Variants in MEI4 observed in about 807,000 individuals in gnomAD.
MEI4 encodes the protein meiotic double-stranded break formation protein 4, also known as meiosis-specific protein MEI4.
In MEI4, 27 loss-of-function variants were observed where a neutral mutation model predicts 31.4. The ratio of observed to expected loss-of-function variants is 0.86; its 90% CI spans 0.63 to 1.19. The LOEUF is 1.19. Among genes scored for constraint, MEI4 ranks in the 50% most tolerant of loss-of-function variants. The pLI, the probability that MEI4 is intolerant of heterozygous loss-of-function variation, is 0.00. For synonymous variants in MEI4, 122 were observed against 145.4 expected (o/e 0.84, Z 1.16); for missense variants, 329 against 398.9 (o/e 0.82, Z 1.49).
chr6:77,864,879 G>A (rs1770976120), intron 4 of MEI4, among the ~76,000 whole-genome samples: 1 of 152,080 alleles, frequency 6.6e-6, no homozygotes, highest in African/African-American at 2.4e-5. Flanking sequence ...ATAACAAACT[G>A]TCTCTCAGAC....
intron 4 of MEI4, among the ~76,000 whole-genome samples, chr6:77,901,892 GTGAGA>G (rs1306884142): frequency 2.6e-5 from 4 of 152,092 alleles, no homozygotes; most frequent in Admixed American, 2.6e-4. Flanking sequence ...TGTATATGGT[GTGAGA>G]TGAGTGTCTA....
At chr6:77,864,859 A>G (rs1342122285) in intron 4 of MEI4, among the ~76,000 whole-genome samples, 2 of 152,230 alleles carry the variant, frequency 1.3e-5, no homozygotes, top group African/African-American at 4.8e-5. Context: ...AATGTAAAAG[A>G]ATAGAAATTA....
chr6:77,743,667 A>G (rs1767486058), intron 2 of MEI4, among the ~76,000 whole-genome samples: 1 of 152,136 alleles, frequency 6.6e-6, no homozygotes, highest in Admixed American at 6.6e-5. Context: ...CTGCCTCCTC[A>G]AGTGGGTCCC....
chr6:77,913,434 A>C (rs1328521155), intron 4 of MEI4, among the ~76,000 whole-genome samples: 1 of 152,070 alleles, frequency 6.6e-6, no homozygotes, highest in Non-Finnish European at 1.5e-5. Flanking sequence ...TGTTGTTAGA[A>C]GATGTTTTTA....
At chr6:77,880,894 A>AG (rs1424057182) in intron 4 of MEI4, among the ~76,000 whole-genome samples, 1 of 152,156 alleles carries the variant, frequency 6.6e-6, no homozygotes, top group Non-Finnish European at 1.5e-5. Context: ...TCTAAAAAAA[A>AG]AAAATTAGGT....
upstream of MEI4, among the ~76,000 whole-genome samples, chr6:77,650,749 C>A (rs892237325): frequency 6.6e-5 from 10 of 152,336 alleles, no homozygotes; most frequent in East Asian, 1.5e-3. Flanking sequence ...TTTCTGTTTA[C>A]CTAATTGATT....
At position 77,918,308 on chromosome 6, in the gene MEI4, G is replaced by T. The variant is rs1165872840; in HGVS notation, c.901-4781G>T. Among the ~76,000 whole-genome samples the T allele has an allele frequency of 3.1e-3, 461 of 146,954 alleles. 2 individuals carry two copies. The highest frequency in any genetic ancestry group is 5.0e-3 in the Non-Finnish European group (334 of 66,728). On this transcript the variant is annotated intron_variant, in intron 4 of 4. Transcript: ENST00000684080. Reference sequence around the variant, plus strand: ...AGTTTTTTCCAATTCTGTGAAGAAAGTCATTGGTAGCTTGATGGGGATGGC... The same window carrying T: ...AGTTTTTTCCAATTCTGTGAAGAAATTCATTGGTAGCTTGATGGGGATGGC...
Position 77,739,656 on chromosome 6 carries a change from C to G in MEI4, c.233-21474C>G, listed in dbSNP as rs183291691. Among the ~76,000 whole-genome samples the G allele has an allele frequency of 3.6e-3, 551 of 152,044 alleles. 6 individuals carry two copies. The highest frequency in any genetic ancestry group is 6.4e-3 in the Non-Finnish European group (433 of 67,994). On this transcript the variant is annotated intron_variant, in intron 2 of 4. Transcript: ENST00000684080. ...CTAGATGATGGGTTGATAGGTACAG[C>G]AAACCACTATGGCACGTGTATACCT...
rs180979194 is a variant in MEI4 at position 77,816,069 on chromosome 6, T to C, written c.769-12862T>C. Among the ~76,000 whole-genome samples, 401 of 152,224 alleles carry C rather than the reference T, an allele frequency of 2.6e-3. 1 individual carries two copies. The highest frequency in any genetic ancestry group is 8.7e-3 in the African/African-American group (362 of 41,556). ...ATGAAAAGGTATTACATAGTCCCTA[T>C]TTAACATTTAATATTCAGGAAATCT... On this transcript the variant is annotated intron_variant, in intron 3 of 4. Coordinates refer to ENST00000684080, the MANE Select transcript of MEI4 (RefSeq NM_001322247.2).
Position 77,844,003 on chromosome 6 carries a change from TG to T in MEI4, c.900+14943del, listed in dbSNP as rs548220005. ...AGCCTAATTCTATAATCCAGTATGG[TG>T]GTTAAGTATAGGTATTTTTATCCCT... is the stretch of plus-strand genomic sequence containing the variant. On this transcript the variant is annotated intron_variant, in intron 4 of 4. Coordinates refer to ENST00000684080, the MANE Select transcript of MEI4 (RefSeq NM_001322247.2). 2.6e-5 allele frequency among the ~76,000 whole-genome samples: 4 copies of T among 152,142 alleles called. 1 individual carries two copies. In the East Asian group the frequency reaches 7.7e-4, roughly 29 times the overall value.
intron 4 of MEI4, among the ~76,000 whole-genome samples, chr6:77,903,953 A>C (rs1384949207): frequency 6.6e-6 from 1 of 152,108 alleles, no homozygotes; most frequent in African/African-American, 2.4e-5. Flanking sequence ...TTAAAGGTCA[A>C]GTCAGTCACT....
intron 4 of MEI4, among the ~76,000 whole-genome samples, chr6:77,919,057 T>C (rs1766636943): frequency 6.6e-6 from 1 of 151,960 alleles, no homozygotes; most frequent in African/African-American, 2.4e-5. Flanking sequence ...TGGGAGACTT[T>C]AACACCCCAC....
chr6:77,793,053 G>C (rs1405448258), intron 3 of MEI4, among the ~76,000 whole-genome samples: 15 of 152,050 alleles, frequency 9.9e-5, no homozygotes, highest in Admixed American at 9.8e-4. Context: ...TTCTCCCAGT[G>C]TGTGTTAATA....
At chr6:77,743,549 C>T (rs966708309) in intron 2 of MEI4, among the ~76,000 whole-genome samples, 3 of 152,164 alleles carry the variant, frequency 2.0e-5, no homozygotes, top group Admixed American at 1.3e-4. Flanking sequence ...TCTAGATATA[C>T]AGTCATGTCA....
chr6:77,700,779 A>G (rs535892203), intron 2 of MEI4, among the ~76,000 whole-genome samples: 13 of 152,240 alleles, frequency 8.5e-5, no homozygotes, highest in Non-Finnish European at 1.8e-4. Context: ...GAACTCTGCT[A>G]TTTCTTTATT....
chr6:77,857,859 G>A (rs532191526), intron 4 of MEI4, among the ~76,000 whole-genome samples: 10 of 152,230 alleles, frequency 6.6e-5, no homozygotes, highest in East Asian at 1.9e-4. Context: ...GTTTTTAACC[G>A]TATGTATTGA....
At chr6:77,688,436 G>T (rs886193834) in intron 1 of MEI4, among the ~76,000 whole-genome samples, 12 of 152,164 alleles carry the variant, frequency 7.9e-5, no homozygotes, top group African/African-American at 2.6e-4. Flanking sequence ...CCTTGATATA[G>T]TTACAATCCA....
At chr6:77,835,873 AAAT>A (rs1300528880) in intron 4 of MEI4, among the ~76,000 whole-genome samples, 1 of 152,094 alleles carries the variant, frequency 6.6e-6, no homozygotes, top group East Asian at 1.9e-4. Context: ...ATTTTGAAAA[AAAT>A]AATGTTGATC....
chr6:77,727,094 C>T (rs1036664656), intron 2 of MEI4, among the ~76,000 whole-genome samples: 2 of 152,080 alleles, frequency 1.3e-5, no homozygotes, highest in East Asian at 1.9e-4. Flanking sequence ...GGGGTGATAC[C>T]TCCACAAAAA....
Sources: gnomAD v4.1 joint callset for allele counts (sites outside exome capture counted in the v4.1 genomes callset) on GRCh38, gnomAD v4.1.1 for gene constraint, MANE v1.5 for transcripts, NCBI Gene and HGNC (gene_info 2026-07-23, HGNC 2026-07-21) for gene names.